GRID2: variants seen among roughly 807,000 people sequenced by gnomAD.
GRID2 encodes glutamate receptor ionotropic, delta-2.
Under a neutral mutation model 114.8 loss-of-function variants are expected in GRID2, and 33 were observed. That is an observed-to-expected ratio of 0.29 (90% CI 0.22 to 0.38). The LOEUF (loss-of-function observed/expected upper bound fraction) is 0.38, where lower values mean the gene tolerates loss of function less well. GRID2 is among the 10% of genes least tolerant of loss of function. GRID2 has a pLI of 1.00. For missense variants in GRID2, 1,184 were observed against 1,257.7 expected (o/e 0.94, Z 0.89); for synonymous variants, 505 against 449.9 (o/e 1.12, Z -1.55).
At chr4:93,028,377 CCAT>C (rs1437960928) in intron 2 of GRID2, among the ~76,000 whole-genome samples, 2 of 151,840 alleles carry the variant, frequency 1.3e-5, no homozygotes, top group African/African-American at 4.8e-5. Flanking sequence ...CTAGGTGTAT[CCAT>C]GGAACTGCAA....
intron 2 of GRID2, among the ~76,000 whole-genome samples, chr4:93,017,723 A>G (rs1722887104): frequency 6.6e-6 from 1 of 151,218 alleles, no homozygotes; most frequent in Admixed American, 6.6e-5. Context: ...TGAACCCAGA[A>G]GGTGGAGGTT....
rs1316076408 is a variant in GRID2 at position 93,013,879 on chromosome 4, G to A, written c.245-71116G>A. ...CAATTATGAACTAGTATTTTATAAA[G>A]CATATTGTAGGATTAGGGAAAGAAG... On this transcript the variant is annotated intron_variant, in intron 2 of 15. Coordinates refer to ENST00000282020, the MANE Select transcript of GRID2 (RefSeq NM_001510.4). Among the ~76,000 whole-genome samples, 3 of 151,738 alleles carry A rather than the reference G, an allele frequency of 2.0e-5. 1 individual carries two copies. The highest frequency in any genetic ancestry group is 4.4e-5 in the Non-Finnish European group (3 of 67,910).
chr4:92,913,015 A>C (rs1210920498), intron 2 of GRID2, among the ~76,000 whole-genome samples: 4 of 151,838 alleles, frequency 2.6e-5, no homozygotes, highest in Non-Finnish European at 5.9e-5. Context: ...TATTGATCCT[A>C]ATTTTGATTT....
At chr4:93,397,944 G>A (rs1178380972) in intron 9 of GRID2, among the ~76,000 whole-genome samples, 1 of 151,280 alleles carries the variant, frequency 6.6e-6, no homozygotes, top group Admixed American at 6.6e-5. Flanking sequence ...CTATGGAGTT[G>A]AGTCTAGATG....
chr4:92,702,458 T>G (rs1367642090), intron 2 of GRID2: 1 of 152,104 alleles, frequency 6.6e-6, no homozygotes, highest in Non-Finnish European at 1.5e-5. Context: ...GATCCAATAT[T>G]TTAGGCCCCT....
At chr4:93,132,381 C>A (rs1734884195) in intron 4 of GRID2, among the ~76,000 whole-genome samples, 1 of 152,184 alleles carries the variant, frequency 6.6e-6, no homozygotes. Flanking sequence ...AACCTTGACA[C>A]AATTGCAAAG....
At chr4:92,797,647 G>GT (rs1440025565) in intron 2 of GRID2, among the ~76,000 whole-genome samples, 1 of 151,820 alleles carries the variant, frequency 6.6e-6, no homozygotes, top group Non-Finnish European at 1.5e-5. Flanking sequence ...ATGAAAAAAA[G>GT]TATCTTTATA....
At chr4:92,724,828 C>G (rs1735989225) in intron 2 of GRID2, among the ~76,000 whole-genome samples, 1 of 152,086 alleles carries the variant, frequency 6.6e-6, no homozygotes, top group South Asian at 2.1e-4. Flanking sequence ...AATACTAGCT[C>G]TCATTAAGAA....
chr4:92,319,412 A>G (rs1726187685), intron 1 of GRID2, among the ~76,000 whole-genome samples: 1 of 152,210 alleles, frequency 6.6e-6, no homozygotes, highest in Admixed American at 6.5e-5. Flanking sequence ...GTTCATTTTA[A>G]TCTGTACAAA....
chr4:93,112,023 ACTTAGAGAAT>A (rs1291861172), intron 4 of GRID2: 1 of 152,196 alleles, frequency 6.6e-6, no homozygotes, highest in African/African-American at 2.4e-5. Flanking sequence ...TCAGCAAATG[ACTTAGAGAAT>A]CTTATTGAAC....
chr4:93,362,414 C>G (rs539967023), intron 8 of GRID2, among the ~76,000 whole-genome samples: 1 of 152,034 alleles, frequency 6.6e-6, no homozygotes, highest in South Asian at 2.1e-4. Flanking sequence ...TACTCATCCT[C>G]CTCATGGCAG....
At chr4:92,982,427 A>G (rs981560484) in intron 2 of GRID2, among the ~76,000 whole-genome samples, 4 of 152,104 alleles carry the variant, frequency 2.6e-5, no homozygotes, top group Non-Finnish European at 5.9e-5. Context: ...ATATTATTTG[A>G]GTGATTAAAA....
chr4:92,618,947 G>A (rs560320568), intron 2 of GRID2, among the ~76,000 whole-genome samples: 1 of 151,718 alleles, frequency 6.6e-6, no homozygotes, highest in Non-Finnish European at 1.5e-5. Flanking sequence ...CATTTTTCTA[G>A]ATCCTGTCTT....
At chr4:92,917,501 G>A (rs923272256) in intron 2 of GRID2, among the ~76,000 whole-genome samples, 7 of 152,242 alleles carry the variant, frequency 4.6e-5, no homozygotes, top group East Asian at 1.9e-4. Context: ...TAGGTCTAAC[G>A]TTTAAGTCTT....
At chr4:93,392,298 C>A (rs539335278) in intron 8 of GRID2, among the ~76,000 whole-genome samples, 1 of 152,140 alleles carries the variant, frequency 6.6e-6, no homozygotes, top group South Asian at 2.1e-4. Context: ...CTCCACATAA[C>A]CAGAGAAGTC....
intron 2 of GRID2, among the ~76,000 whole-genome samples, chr4:92,618,091 A>G (rs1024424612): frequency 6.6e-6 from 1 of 151,698 alleles, no homozygotes; most frequent in Non-Finnish European, 1.5e-5. Context: ...ATTTTCTCAA[A>G]TCAATGTCCT....
chr4:92,401,351 A>G (rs1294515047), intron 1 of GRID2, among the ~76,000 whole-genome samples: 2 of 152,156 alleles, frequency 1.3e-5, no homozygotes, highest in Non-Finnish European at 2.9e-5. Flanking sequence ...TTCAATTGTT[A>G]TTTATCAGAT....
intron 2 of GRID2, among the ~76,000 whole-genome samples, chr4:93,005,373 T>C (rs1721407948): frequency 6.6e-6 from 1 of 152,024 alleles, no homozygotes; most frequent in African/African-American, 2.4e-5. Context: ...GACTTTCCAC[T>C]GTGAATCCTG....
chr4:93,738,150 G>A (rs1731079478), intron 14 of GRID2, among the ~76,000 whole-genome samples: 1 of 152,152 alleles, frequency 6.6e-6, no homozygotes, highest in Admixed American at 6.6e-5. Context: ...GAAATAGCAT[G>A]TGTTAAACCT....
Sources: allele counts gnomAD v4.1 joint callset (sites outside exome capture counted in the v4.1 genomes callset), GRCh38; gene constraint gnomAD v4.1.1; transcripts MANE v1.5; gene names NCBI Gene and HGNC (gene_info 2026-07-23, HGNC 2026-07-21).